Variants in SLC17A6 observed in about 807,000 individuals in gnomAD.
SLC17A6 encodes the protein vesicular glutamate transporter 2.
In SLC17A6, 35 loss-of-function variants were observed where a neutral mutation model predicts 67.1. The observed-to-expected ratio is 0.52, with a 90% CI of 0.40 to 0.69. The LOEUF is 0.69. Ranked by LOEUF, SLC17A6 falls within the 30% of genes least tolerant of loss-of-function variation. SLC17A6 has a pLI of 0.00. For synonymous variants in SLC17A6, 285 were observed against 252.3 expected, an observed-to-expected ratio of 1.13 and a Z score of -1.23; for missense variants, 588 against 723.9, an observed-to-expected ratio of 0.81 and a Z score of 2.15.
At chr11:22,367,005 G>GAAAAAA (rs376547104) in intron 7 of SLC17A6, among the ~76,000 whole-genome samples, 1 of 78,852 alleles carries the variant, frequency 1.3e-5, no homozygotes, top group Non-Finnish European at 2.3e-5. Context: ...ACTCCGTCTC[G>GAAAAAA]AAAAAAAAAA....
At chr11:22,354,426 C>G (rs556624865) in intron 3 of SLC17A6, among the ~76,000 whole-genome samples, 2 of 152,302 alleles carry the variant, frequency 1.3e-5, no homozygotes, top group East Asian at 3.9e-4. Context: ...AGTTCCACTA[C>G]TTCTTTCATT....
intron 3 of SLC17A6, among the ~76,000 whole-genome samples, chr11:22,358,524 G>A (rs2133868472): frequency 6.6e-6 from 1 of 152,260 alleles, no homozygotes; most frequent in South Asian, 2.1e-4. Flanking sequence ...TAGAGATGGG[G>A]TTTCACTATG....
intron 3 of SLC17A6, among the ~76,000 whole-genome samples, chr11:22,354,336 G>A (rs1484477978): frequency 2.6e-5 from 4 of 152,036 alleles, no homozygotes; most frequent in East Asian, 1.9e-4. Flanking sequence ...CACCCACCTC[G>A]GCCCCCAAAA....
rs11026528 is a variant in SLC17A6, at chr11:22,351,599, A to G, written c.459-7814A>G. 0.015 allele frequency among the ~76,000 whole-genome samples: 2,278 copies of G among 152,216 alleles called. 176 individuals are homozygous for G. The East Asian group carries it at 0.26, about 17-fold the overall frequency. On this transcript the variant is annotated intron_variant, in intron 3 of 11. Coordinates refer to ENST00000263160, the MANE Select transcript of SLC17A6 (RefSeq NM_020346.3). ...AATTATATCATTCTTTACTAAACACATTTCTCTTATTAAATATTTTTACTG... is the reference window on the plus strand; with the variant it reads ...AATTATATCATTCTTTACTAAACACGTTTCTCTTATTAAATATTTTTACTG...
intron 3 of SLC17A6, among the ~76,000 whole-genome samples, chr11:22,343,822 C>T (rs903165294): frequency 6.6e-6 from 1 of 152,152 alleles, no homozygotes; most frequent in African/African-American, 2.4e-5. Flanking sequence ...CCCCGTCCCC[C>T]GCCCAGTTGG....
At chr11:22,344,978 GA>G (rs1033280885) in intron 3 of SLC17A6, among the ~76,000 whole-genome samples, 11 of 149,816 alleles carry the variant, frequency 7.3e-5, no homozygotes, top group South Asian at 2.1e-4. Flanking sequence ...CACTGCAGGA[GA>G]AAAAAAAATC....
chr11:22,365,755 C>T (rs1318044596), intron 7 of SLC17A6, 66 bp downstream of exon 7: 10 of 1,508,168 alleles, frequency 6.6e-6, no homozygotes, highest in Non-Finnish European at 8.9e-6. Flanking sequence ...ACCAACCAAA[C>T]TATCTTACAA....
At chr11:22,370,009 G>A (rs2133875762) in intron 7 of SLC17A6, 30 bp from the exon 8 acceptor site, 2 of 1,597,466 alleles carry the variant, frequency 1.3e-6, no homozygotes, top group Non-Finnish European at 1.7e-6. Context: ...ATTTAAAATG[G>A]TCATAATGTC....
chr11:22,351,456 G>A (rs143936565), intron 3 of SLC17A6, among the ~76,000 whole-genome samples: 179 of 152,084 alleles, frequency 1.2e-3, no homozygotes, highest in African/African-American at 4.1e-3. Context: ...TGACCATGAA[G>A]GCAGGCATAC....
intron 3 of SLC17A6, among the ~76,000 whole-genome samples, chr11:22,354,746 A>G (rs558863734): frequency 1.1e-3 from 175 of 152,350 alleles, no homozygotes; most frequent in African/African-American, 4.1e-3. Flanking sequence ...CTTACTATCT[A>G]TATGATGTTG....
chr11:22,373,652 C>A (rs1367744831), intron 8 of SLC17A6, among the ~76,000 whole-genome samples: 4 of 152,168 alleles, frequency 2.6e-5, no homozygotes, highest in African/African-American at 9.6e-5. Flanking sequence ...TCACGTAGAA[C>A]TGATTCAAAA....
chr11:22,349,900 G>A (rs1220856852), intron 3 of SLC17A6, among the ~76,000 whole-genome samples: 2 of 152,144 alleles, frequency 1.3e-5, no homozygotes, highest in Non-Finnish European at 2.9e-5. Flanking sequence ...GACCCTCCAG[G>A]AAAGAATTAG....
At chr11:22,353,343 T>TAACCAAAACAAAACAAAACA (rs1402844583) in intron 3 of SLC17A6, among the ~76,000 whole-genome samples, 1 of 151,644 alleles carries the variant, frequency 6.6e-6, no homozygotes, top group African/African-American at 2.4e-5. Context: ...TTTCACAGTG[T>TAACCAAAACAAAACAAAACA]AACCAAAACA....
intron 7 of SLC17A6, among the ~76,000 whole-genome samples, chr11:22,369,593 G>A (rs181778820): frequency 2.0e-5 from 3 of 151,936 alleles, no homozygotes; most frequent in South Asian, 2.1e-4. Flanking sequence ...TTAAGATTTT[G>A]TATCTTTCTT....
At chr11:22,371,269 T>C (rs1451081580) in intron 8 of SLC17A6, among the ~76,000 whole-genome samples, 1 of 152,096 alleles carries the variant, frequency 6.6e-6, no homozygotes, top group Admixed American at 6.6e-5. Context: ...TCTCTTCATG[T>C]CATTACATAA....
intron 1 of SLC17A6, among the ~76,000 whole-genome samples, chr11:22,340,200 A>C (rs1326250798): frequency 6.6e-6 from 1 of 152,238 alleles, no homozygotes; most frequent in East Asian, 1.9e-4. Flanking sequence ...ATAGCACTTA[A>C]AACAGCACAG....
chr11:22,340,434 C>T (rs1254878317), intron 1 of SLC17A6, among the ~76,000 whole-genome samples: 1 of 152,200 alleles, frequency 6.6e-6, no homozygotes, highest in South Asian at 2.1e-4. Flanking sequence ...CTGCATTCCC[C>T]TTTTCATTTG....
chr11:22,372,014 A>G (rs1856180317), intron 8 of SLC17A6, among the ~76,000 whole-genome samples: 1 of 152,054 alleles, frequency 6.6e-6, no homozygotes, highest in Non-Finnish European at 1.5e-5. Context: ...TCTCTAAATA[A>G]TGGTATTAAC....
At chr11:22,371,067 A>G (rs1225108855) in intron 8 of SLC17A6, among the ~76,000 whole-genome samples, 1 of 152,164 alleles carries the variant, frequency 6.6e-6, no homozygotes. Flanking sequence ...CCACGCTAGT[A>G]ATGCACGACA....
Sources: allele counts gnomAD v4.1 joint callset (sites outside exome capture counted in the v4.1 genomes callset), GRCh38; gene constraint gnomAD v4.1.1; transcripts MANE v1.5; gene names NCBI Gene and HGNC (gene_info 2026-07-23, HGNC 2026-07-21).